The following PCED1B variants were observed in gnomAD, a reference collection of about 807,000 sequenced individuals.
The protein encoded by PCED1B is PC-esterase domain-containing protein 1B.
For missense variants in PCED1B, 573 were observed against 573.9 expected, an observed-to-expected ratio of 1.00 and a Z score of 0.02; for synonymous variants, 251 against 246.1, an observed-to-expected ratio of 1.02 and a Z score of -0.19.
chr12:47,192,197 A>G (rs1343122798), intron 2 of PCED1B, among the ~76,000 whole-genome samples: 5 of 133,192 alleles, frequency 3.8e-5, no homozygotes, highest in Non-Finnish European at 6.2e-5. Context: ...GCCTCTTTCC[A>G]TAGTGCCAGC....
intron 2 of PCED1B, among the ~76,000 whole-genome samples, chr12:47,162,742 A>G (rs1177969452): frequency 1.3e-5 from 2 of 152,190 alleles, no homozygotes; most frequent in African/African-American, 4.8e-5. Flanking sequence ...TACTGCAAGG[A>G]TGGCACCAAG....
At chr12:47,105,734 G>T (rs1938918957) in intron 2 of PCED1B, among the ~76,000 whole-genome samples, 1 of 152,068 alleles carries the variant, frequency 6.6e-6, no homozygotes, top group Non-Finnish European at 1.5e-5. Context: ...CTTTTAAAAA[G>T]GTTCTAGTAA....
intron 2 of PCED1B, among the ~76,000 whole-genome samples, chr12:47,126,659 C>T (rs1939900127): frequency 6.6e-6 from 1 of 152,084 alleles, no homozygotes; most frequent in Non-Finnish European, 1.5e-5. Flanking sequence ...GTTTTAATTT[C>T]AATTTCAAAT....
intron 2 of PCED1B, among the ~76,000 whole-genome samples, chr12:47,173,939 T>C (rs1181222175): frequency 2.0e-5 from 3 of 152,318 alleles, no homozygotes; most frequent in Non-Finnish European, 2.9e-5. Context: ...AAAATAAATA[T>C]GTATGCAAAA....
chr12:47,196,618 A>G (rs756951852), intron 2 of PCED1B, among the ~76,000 whole-genome samples: 3 of 152,214 alleles, frequency 2.0e-5, no homozygotes, highest in Admixed American at 6.5e-5. Context: ...ACCTGAGGCC[A>G]GGAGTTCGAG....
intron 2 of PCED1B, among the ~76,000 whole-genome samples, chr12:47,148,788 A>G (rs1181029089): frequency 6.6e-6 from 1 of 152,260 alleles, no homozygotes; most frequent in Non-Finnish European, 1.5e-5. Flanking sequence ...TGACTACTCT[A>G]TCCTCCAGAT....
chr12:47,088,187 G>C (rs796221698), intron 1 of PCED1B, among the ~76,000 whole-genome samples: 2 of 152,322 alleles, frequency 1.3e-5, no homozygotes, highest in African/African-American at 4.8e-5. Flanking sequence ...TTGCCCTTGT[G>C]CCTTGGATGT....
At chr12:47,219,897 A>G (rs1943419207) in intron 3 of PCED1B, among the ~76,000 whole-genome samples, 3 of 152,026 alleles carry the variant, frequency 2.0e-5, no homozygotes, top group African/African-American at 7.2e-5. Context: ...CCTTAAGCTT[A>G]TCTAATTATT....
intron 1 of PCED1B, among the ~76,000 whole-genome samples, chr12:47,086,213 C>T (rs1175017869): frequency 2.0e-5 from 3 of 152,060 alleles, no homozygotes; most frequent in Non-Finnish European, 4.4e-5. Flanking sequence ...GAGTCCTCCC[C>T]GATGGCACAT....
chr12:47,117,200 T>G (rs1191004279), intron 2 of PCED1B, among the ~76,000 whole-genome samples: 1 of 152,178 alleles, frequency 6.6e-6, no homozygotes, highest in Non-Finnish European at 1.5e-5. Flanking sequence ...AGTACTTCAT[T>G]CATTTTTTTT....
chr12:47,082,197 G>A (rs141261268), intron 1 of PCED1B, among the ~76,000 whole-genome samples: 129 of 152,272 alleles, frequency 8.5e-4, no homozygotes, highest in African/African-American at 3.0e-3. Flanking sequence ...ATTCCAAGAG[G>A]ATAGCAGTTT....
Position 47,235,252 on chromosome 12 carries a change from C to T in PCED1B, c.189C>T (p.Asp63=), listed in dbSNP as rs1057385423. 6.2e-6 allele frequency: 10 copies of T among 1,613,074 alleles called. No homozygotes were observed. In the Admixed American group the frequency reaches 8.3e-5, roughly 13 times the overall value. ...ELNFEQDELV[D]GGQRGHMHNG... Reference sequence around the variant, plus strand: ...ACTTCGAACAAGATGAGCTGGTGGACGGAGGCCAGCGGGGCCACATGCACA... The same window carrying T: ...ACTTCGAACAAGATGAGCTGGTGGATGGAGGCCAGCGGGGCCACATGCACA... Residue 63 remains aspartate, a synonymous_variant, in exon 4 of 4, where the codon GAC becomes GAT. Transcript: ENST00000546455.
In PCED1B at chr12:47,236,144, T is replaced by A; in HGVS notation, c.1081T>A (p.Ser361Thr). The A allele has an allele frequency of 6.2e-7, 1 of 1,614,140 alleles. No individual in the cohort carries two copies. The highest frequency in any genetic ancestry group is 8.5e-7 in the Non-Finnish European group (1 of 1,180,024). The change falls in exon 4 of 4, where the codon TCA becomes ACA. Residue 361 changes from serine (S) to threonine (T), a missense_variant. Coordinates refer to ENST00000546455, the MANE Select transcript of PCED1B (RefSeq NM_138371.3). ...ATTCTATTGCCATTCAGATGTCCCC[T>A]CATCAGCCCATGCAGGTTTCTTCGT... is the stretch of plus-strand genomic sequence containing the variant. ...DQFYCHSDVP[S>T]SAHAGFFVED...
At chr12:47,171,991 A>T (rs117224606) in intron 2 of PCED1B, among the ~76,000 whole-genome samples, 2 of 151,564 alleles carry the variant, frequency 1.3e-5, no homozygotes, top group Non-Finnish European at 2.9e-5. Flanking sequence ...CTCTGTATTT[A>T]TAAGATTTGT....
chr12:47,166,020 C>T lies in PCED1B; in HGVS notation c.-525-50202C>T, dbSNP rs117061118. On this transcript the variant is annotated intron_variant, in intron 2 of 3. Coordinates refer to ENST00000546455, the MANE Select transcript of PCED1B (RefSeq NM_138371.3). ...TTTTGTCATGCCCACTCCCCCACCA[C>T]GAGACTTGATTAAACGCTAGCATAG... Among the ~76,000 whole-genome samples the T allele has an allele frequency of 5.0e-3, 766 of 152,296 alleles. 4 individuals are homozygous for T. The highest frequency in any genetic ancestry group is 8.8e-3 in the Non-Finnish European group (600 of 68,022).
At chr12:47,100,986 C>T (rs1254403583) in intron 1 of PCED1B, among the ~76,000 whole-genome samples, 1 of 152,080 alleles carries the variant, frequency 6.6e-6, no homozygotes, top group Non-Finnish European at 1.5e-5. Context: ...AGGAGAATCA[C>T]TTGAACCCGG....
intron 1 of PCED1B, among the ~76,000 whole-genome samples, chr12:47,085,104 A>C (rs1376484532): frequency 6.6e-6 from 1 of 152,242 alleles, no homozygotes; most frequent in African/African-American, 2.4e-5. Context: ...AGATCACATT[A>C]TTGCACTCCA....
At chr12:47,147,840 G>A (rs747081283) in intron 2 of PCED1B, among the ~76,000 whole-genome samples, 19 of 152,082 alleles carry the variant, frequency 1.2e-4, no homozygotes, top group Non-Finnish European at 2.5e-4. Flanking sequence ...TTTCTGGCCT[G>A]CCCTTCCAAA....
intron 3 of PCED1B, among the ~76,000 whole-genome samples, chr12:47,224,931 T>G (rs1008973996): frequency 1.3e-5 from 2 of 152,166 alleles, no homozygotes; most frequent in Admixed American, 1.3e-4. Context: ...ATTCTTTTTC[T>G]TTTTCGTTTT....
Sources: allele counts gnomAD v4.1 joint callset (sites outside exome capture counted in the v4.1 genomes callset), GRCh38; gene constraint gnomAD v4.1.1; transcripts MANE v1.5; gene names NCBI Gene and HGNC (gene_info 2026-07-23, HGNC 2026-07-21).